Variants in GPR132 observed in about 807,000 individuals in gnomAD.
GPR132 encodes probable G protein-coupled receptor 132.
GPR132 carries 4 observed loss-of-function variants against 1.9 expected under a neutral mutation model. The ratio of observed to expected loss-of-function variants is 2.13; its 90% CI spans 1.05 to 4.87. The LOEUF (loss-of-function observed/expected upper bound fraction) is 4.87. Ranked by LOEUF, GPR132 falls within the 30% of genes most tolerant of loss-of-function variation. GPR132 has a pLI of 0.01. For synonymous variants in GPR132, 233 were observed against 234.2 expected (o/e 0.99, Z 0.05); for missense variants, 404 against 512.5 (o/e 0.79, Z 2.04).
Position 105,055,056 on chromosome 14 carries a change from T to A in GPR132, c.34+331A>T, listed in dbSNP as rs1318990731. Among the ~76,000 whole-genome samples the A allele has an allele frequency of 2.1e-5, 3 of 139,900 alleles. No homozygotes were observed. The Admixed American group carries it at 2.2e-4, about 10-fold the overall frequency. The allele number at this position is 139,900 out of a possible 152,430, so 91.8% of individuals were successfully genotyped here. On this transcript the variant is annotated intron_variant, in intron 3 of 3. Coordinates refer to ENST00000329797, the MANE Select transcript of GPR132 (RefSeq NM_013345.4). The surrounding 1 kb of genome is among the most constrained non-coding windows in gnomAD (Gnocchi z 4.7). ...AAAAAAAAAAAAAAATTCGGCCCCA[T>A]GGGCCGTTCATTCCTTCAATCCCAA...
intron 3 of GPR132, chr14:105,053,931 G>C: frequency 8.6e-7 from 1 of 1,161,148 alleles, no homozygotes; most frequent in East Asian, 7.3e-5. Context: ...TCAGCAACCT[G>C]CCTCAAACAC....
chr14:105,058,568 G>A (rs1045401354), intron 1 of GPR132, among the ~76,000 whole-genome samples: 20 of 152,382 alleles, frequency 1.3e-4, no homozygotes, highest in Non-Finnish European at 2.6e-4. Flanking sequence ...GAATTGGCTC[G>A]CAGCAAAATT....
At chr14:105,052,461 A>G (rs1886677040) in intron 3 of GPR132, among the ~76,000 whole-genome samples, 1 of 151,806 alleles carries the variant, frequency 6.6e-6, no homozygotes, top group South Asian at 2.1e-4. Context: ...CCAAGTAGCC[A>G]GGATTACAGG....
rs575333617 is a variant in GPR132 at position 105,056,923 on chromosome 14, C to A, written c.-747+244G>T. On this transcript the variant is annotated intron_variant, in intron 2 of 3. Transcript: ENST00000329797. The surrounding 1 kb of genome is among the most constrained non-coding windows in gnomAD (Gnocchi z 6.0). ...CCCCCTGACTCAGTACTGTGTCGCC[C>A]TCCCAGGAGCCACCAACTATGCCCT... 6.6e-6 allele frequency among the ~76,000 whole-genome samples: 1 copy of A among 152,216 alleles called. No homozygotes were observed. The highest frequency in any genetic ancestry group is 2.4e-5 in the African/African-American group (1 of 41,456).
rs889100459 is a variant in GPR132, at chr14:105,055,505, C to T, written c.-85G>A. On this transcript the variant is annotated 5_prime_UTR_variant, in exon 3 of 4. Transcript: ENST00000329797. The surrounding 1 kb of genome is among the most constrained non-coding windows in gnomAD (Gnocchi z 4.7). The stretch of plus-strand genomic sequence containing the variant: ...CGGAGACTCTGCCCCAGGAAGCACT[C>T]GCTCCGCATTTGCTCCCAGCCCCCA... 5 of 768,110 alleles carry T rather than the reference C, an allele frequency of 6.5e-6. No individual in the cohort carries two copies. Among genetic ancestry groups the T allele is most frequent in the Admixed American group, 1.7e-5 (1 of 58,368 alleles). 47.6% of individuals were successfully genotyped at this position (768,110 alleles called of 1,614,324 possible).
intron 1 of GPR132, among the ~76,000 whole-genome samples, chr14:105,061,772 A>C (rs921757984): frequency 2.6e-5 from 4 of 151,988 alleles, no homozygotes; most frequent in African/African-American, 9.7e-5. Flanking sequence ...TGGGCTGTGC[A>C]TGGGGACCGT....
Position 105,051,069 on chromosome 14 carries a change from G to C in GPR132, c.1068C>G (p.His356Gln). ...GGTGCACGGGCCTGGAGAAGGTGTA[G>C]TGGTCTGCAAGGGCCACGGGCGACT... is the stretch of plus-strand genomic sequence containing the variant. Reference protein sequence around the residue: ...ELQSPVALADHYTFSRPVHPP... With the variant: ...ELQSPVALADQYTFSRPVHPP... Residue 356 changes from histidine (H) to glutamine (Q), a missense_variant, in exon 4 of 4, where the codon CAC becomes CAG. Physicochemically the swap from His to Gln is conservative, Grantham distance 24. Coordinates refer to ENST00000329797, the MANE Select transcript of GPR132 (RefSeq NM_013345.4). The surrounding 1 kb of genome is among the most constrained non-coding windows in gnomAD (Gnocchi z 8.0). 1 of 1,614,182 alleles carries C rather than the reference G, an allele frequency of 6.2e-7. No homozygotes were observed. The highest frequency in any genetic ancestry group is 8.5e-7 in the Non-Finnish European group (1 of 1,180,010).
At position 105,050,857 on chromosome 14, in the gene GPR132, G is replaced by A. The variant is rs1886614309; in HGVS notation, c.*137C>T. On this transcript the variant is annotated 3_prime_UTR_variant, in exon 4 of 4. Coordinates refer to ENST00000329797, the MANE Select transcript of GPR132 (RefSeq NM_013345.4). The surrounding 1 kb of genome is among the most constrained non-coding windows in gnomAD (Gnocchi z 4.0). ...CCTGGGGCCAGTGGTCACGGAGGGA[G>A]TGGCTTCAGGAACGAGAAATTGGTA... 2 of 788,026 alleles carry A rather than the reference G, an allele frequency of 2.5e-6. No homozygotes were observed. The highest frequency in any genetic ancestry group is 4.0e-6 in the Non-Finnish European group (2 of 502,610). The allele number at this position is 788,026 out of a possible 1,614,324, so 48.8% of individuals were successfully genotyped here. A position where few individuals can be genotyped will look rare whatever the true frequency, so the allele number is the denominator to read the frequency against.
At chr14:105,064,799 C>A (rs865847394) in intron 1 of GPR132, among the ~76,000 whole-genome samples, 26 of 152,252 alleles carry the variant, frequency 1.7e-4, no homozygotes, top group Middle Eastern at 3.4e-3. Context: ...GGTATTGGGC[C>A]CCCCGCCCCG....
intron 1 of GPR132, among the ~76,000 whole-genome samples, chr14:105,064,220 C>T (rs1050117713): frequency 9.2e-5 from 14 of 152,222 alleles, no homozygotes; most frequent in Non-Finnish European, 1.5e-5. Context: ...CCTGCTTTGG[C>T]ACCAGGCAAA....
At chr14:105,057,981 A>C (rs1432051167) in intron 1 of GPR132, 1 of 152,156 alleles carries the variant, frequency 6.6e-6, no homozygotes, top group Non-Finnish European at 1.5e-5. Context: ...AAGCCACCGC[A>C]CCTGGCCTAG....
rs1886782400 is a variant in GPR132, at chr14:105,056,037, G to A, written c.-617C>T. The A allele has an allele frequency of 5.1e-6, 3 of 584,530 alleles. No individual in the cohort carries two copies. The highest frequency in any genetic ancestry group is 2.0e-5 in the African/African-American group (1 of 49,626). The allele number at this position is 584,530 out of a possible 1,614,324, so 36.2% of individuals were successfully genotyped here. A position where few individuals can be genotyped will look rare whatever the true frequency, so the allele number is the denominator to read the frequency against. Reference sequence around the variant, plus strand: ...GTCTCATCTCGTGGGGTGCCTCCGCGCTGTTCTCCACGGTGGTGGCGCTGG... The same window carrying A: ...GTCTCATCTCGTGGGGTGCCTCCGCACTGTTCTCCACGGTGGTGGCGCTGG... On this transcript the variant is annotated 5_prime_UTR_variant, in exon 3 of 4. Coordinates refer to ENST00000329797, the MANE Select transcript of GPR132 (RefSeq NM_013345.4). This position sits in a 1 kb window ranked among gnomAD's most constrained non-coding sequence, Gnocchi z 6.0.
At chr14:105,061,749 G>C (rs938154297) in intron 1 of GPR132, among the ~76,000 whole-genome samples, 1 of 152,172 alleles carries the variant, frequency 6.6e-6, no homozygotes, top group Non-Finnish European at 1.5e-5. Flanking sequence ...TCCTGGGGGG[G>C]GGGAGTCCCT....
chr14:105,063,206 C>A (rs1362830177), intron 1 of GPR132, among the ~76,000 whole-genome samples: 1 of 152,128 alleles, frequency 6.6e-6, no homozygotes, highest in African/African-American at 2.4e-5. Context: ...CAGGCGTGAG[C>A]CACCATGCCC....
Position 105,063,192 on chromosome 14 carries a change from A to G in GPR132, c.-861+2187T>C, listed in dbSNP as rs558585785. ...GGCCTCGGTCTCCGAAAGTGCTGGG[A>G]ATACAGGCGTGAGCCACCATGCCCG... On this transcript the variant is annotated intron_variant, in intron 1 of 3. Transcript: ENST00000329797. 2.6e-5 allele frequency among the ~76,000 whole-genome samples: 4 copies of G among 152,206 alleles called. No individual in the cohort carries two copies. In the East Asian group the frequency reaches 7.7e-4, roughly 29 times the overall value.
In GPR132 at chr14:105,051,719, G is replaced by A. The variant is rs150369415; in HGVS notation, c.418C>T (p.Arg140Cys). 9 of 1,613,914 alleles carry A rather than the reference G, an allele frequency of 5.6e-6. No homozygotes were observed. The highest frequency in any genetic ancestry group is 2.7e-5 in the African/African-American group (2 of 74,900). The change falls in exon 4 of 4, where the codon CGC (arginine) becomes TGC (cysteine). Residue 140 changes from arginine to cysteine, a missense_variant. Arg to Cys is a radical substitution (Grantham distance 180). Coordinates refer to ENST00000329797, the MANE Select transcript of GPR132 (RefSeq NM_013345.4). This position sits in a 1 kb window ranked among gnomAD's most constrained non-coding sequence, Gnocchi z 8.0. ...AGCGCGTACACCACGGCCACGAAGC[G>A]GTCGCAGGAGATGCAGCACAGGAAG... ...ILFLCCISCD[R>C]FVAVVYALES...
chr14:105,061,060 T>TG (rs1053013939), intron 1 of GPR132, among the ~76,000 whole-genome samples: 8 of 152,240 alleles, frequency 5.3e-5, no homozygotes, highest in Non-Finnish European at 1.2e-4. Context: ...GCCTGACCTT[T>TG]GGGCACCACA....
chr14:105,051,782 C>T lies in GPR132; in HGVS notation c.355G>A (p.Ala119Thr), dbSNP rs1259630331. 7 of 1,614,020 alleles carry T rather than the reference C, an allele frequency of 4.3e-6. No homozygotes were observed. Among genetic ancestry groups the T allele is most frequent in the East Asian group, 2.2e-5 (1 of 44,902 alleles). The change falls in exon 4 of 4, where the codon GCC becomes ACC. Residue 119 changes from alanine to threonine, a missense_variant. Physicochemically the swap from Ala to Thr is moderately conservative, Grantham distance 58. Transcript: ENST00000329797. The surrounding 1 kb of genome is among the most constrained non-coding windows in gnomAD (Gnocchi z 8.0). The stretch of plus-strand genomic sequence containing the variant: ...TAGATGTTGCAGAAGAAGATGTAGG[C>T]GGTCACCTTGCAGGCCAGCAGGCCT... ...TLGLLACKVT[A>T]YIFFCNIYVS...
intron 3 of GPR132, chr14:105,053,853 G>T: frequency 1.1e-6 from 1 of 877,066 alleles, no homozygotes; most frequent in Non-Finnish European, 1.4e-6. Context: ...ACTATCTGGT[G>T]GGCCCAATGG....
Sources: allele counts gnomAD v4.1 joint callset (sites outside exome capture counted in the v4.1 genomes callset), GRCh38; gene constraint gnomAD v4.1.1; non-coding constraint Gnocchi (gnomAD v3.1); transcripts MANE v1.5; gene names NCBI Gene and HGNC (gene_info 2026-07-23, HGNC 2026-07-21).